The following CLSTN1 variants were observed in gnomAD, a reference collection of about 807,000 sequenced individuals.
CLSTN1 encodes the protein calsyntenin-1.
Under a neutral mutation model 108.3 loss-of-function variants are expected in CLSTN1, and 28 were observed. That is an observed-to-expected ratio of 0.26 (90% CI 0.19 to 0.35). CLSTN1 has a LOEUF of 0.35. Ranked by LOEUF, CLSTN1 falls within the 10% of genes least tolerant of loss-of-function variation. The pLI is 1.00. For synonymous variants in CLSTN1, 524 were observed against 534.9 expected (o/e 0.98, Z 0.28); for missense variants, 1,157 against 1,302.6 (o/e 0.89, Z 1.72).
chr1:9,733,276 G>C lies in CLSTN1; in HGVS notation c.2427+125C>G, dbSNP rs546749747. 86 of 1,205,286 alleles carry C rather than the reference G, an allele frequency of 7.1e-5. No individual in the cohort carries two copies. In the East Asian group the frequency reaches 2.0e-3, roughly 28 times the overall value. The allele number at this position is 1,205,286 out of a possible 1,614,324, so 74.7% of individuals were successfully genotyped here. ...CCCAGGCTGGAAAGGCGACCCCCTA[G>C]AATGAGCCTGTATAGCTGCCATCAT... On this transcript the variant is annotated intron_variant, in intron 16 of 18. Coordinates refer to ENST00000377298, the MANE Select transcript of CLSTN1 (RefSeq NM_001009566.3).
At chr1:9,756,668 AC>A (rs1220957450) in intron 2 of CLSTN1, among the ~76,000 whole-genome samples, 158 bp from the exon 3 acceptor site, 2 of 152,236 alleles carry the variant, frequency 1.3e-5, no homozygotes, top group Non-Finnish European at 2.9e-5. Flanking sequence ...ATCTTCAGGA[AC>A]AAAATGTCAC....
At chr1:9,807,616 G>A (rs1385277000) in intron 1 of CLSTN1, among the ~76,000 whole-genome samples, 2 of 152,222 alleles carry the variant, frequency 1.3e-5, no homozygotes, top group Non-Finnish European at 2.9e-5. Flanking sequence ...TCCACACAGC[G>A]TACAGCAGTC....
chr1:9,792,170 C>T (rs1387902699), intron 1 of CLSTN1, among the ~76,000 whole-genome samples: 1 of 150,704 alleles, frequency 6.6e-6, no homozygotes, highest in Non-Finnish European at 1.5e-5. Flanking sequence ...TAGGCGACAG[C>T]GAGACTCCAC....
intron 1 of CLSTN1, among the ~76,000 whole-genome samples, chr1:9,822,291 T>G (rs192907245): frequency 1.3e-5 from 2 of 152,230 alleles, no homozygotes; most frequent in Admixed American, 6.5e-5. Flanking sequence ...GATCTGAATT[T>G]GACAGAGTCA....
chr1:9,743,610 C>T (rs1425214984), intron 9 of CLSTN1, among the ~76,000 whole-genome samples: 1 of 152,092 alleles, frequency 6.6e-6, no homozygotes, highest in African/African-American at 2.4e-5. Context: ...TGAAGTGGCA[C>T]AATCGCAGCT....
Position 9,729,134 on chromosome 1 carries a change from G to A in CLSTN1, c.*1374C>T, listed in dbSNP as rs1650170131. On this transcript the variant is annotated 3_prime_UTR_variant, in exon 19 of 19. Transcript: ENST00000377298. ...GCGACAGCGTGAGGACATCCCCTGG[G>A]CGTGAGCGTCTGTCCGCTGTCTAAA... The A allele has an allele frequency of 6.6e-6, 1 of 152,202 alleles. No homozygotes were observed. Among genetic ancestry groups the A allele is most frequent in the Non-Finnish European group, 1.5e-5 (1 of 68,046 alleles). 9.4% of individuals were successfully genotyped at this position (152,202 alleles called of 1,614,324 possible). A position where few individuals can be genotyped will look rare whatever the true frequency, so the allele number is the denominator to read the frequency against.
At chr1:9,786,388 T>C (rs1653488204) in intron 1 of CLSTN1, among the ~76,000 whole-genome samples, 1 of 152,098 alleles carries the variant, frequency 6.6e-6, no homozygotes, top group Admixed American at 6.6e-5. Flanking sequence ...ATGCCTGTAA[T>C]CCCAGCACTT....
intron 1 of CLSTN1, among the ~76,000 whole-genome samples, chr1:9,788,404 C>G (rs975571393): frequency 4.0e-5 from 6 of 150,914 alleles, no homozygotes; most frequent in Non-Finnish European, 7.4e-5. Context: ...AACCCCATCT[C>G]TACTAAAAAT....
intron 2 of CLSTN1, among the ~76,000 whole-genome samples, chr1:9,760,477 G>A (rs1282013495): frequency 2.0e-5 from 3 of 152,064 alleles, no homozygotes; most frequent in African/African-American, 7.3e-5. Context: ...CTTTTAATAA[G>A]GAAGACGGAT....
At chr1:9,798,175 G>A (rs1306659597) in intron 1 of CLSTN1, among the ~76,000 whole-genome samples, 7 of 132,616 alleles carry the variant, frequency 5.3e-5, no homozygotes, top group Non-Finnish European at 1.1e-4. Context: ...GAAGAGGGAG[G>A]GGGAGGGGAG....
intron 6 of CLSTN1, 28 bp from the exon 7 acceptor site, chr1:9,749,674 A>G (rs1175746669): frequency 6.2e-7 from 1 of 1,611,760 alleles, no homozygotes; most frequent in Non-Finnish European, 8.5e-7. Context: ...TCAGCAGGGG[A>G]AGAGAGAAGG....
At chr1:9,816,176 A>G (rs1369491342) in intron 1 of CLSTN1, among the ~76,000 whole-genome samples, 1 of 152,238 alleles carries the variant, frequency 6.6e-6, no homozygotes, top group African/African-American at 2.4e-5. Context: ...TTATTTACCT[A>G]TGAAAAGAAA....
intron 2 of CLSTN1, among the ~76,000 whole-genome samples, chr1:9,758,561 G>A (rs1049192444): frequency 6.6e-6 from 1 of 152,014 alleles, no homozygotes; most frequent in Admixed American, 6.6e-5. Context: ...TGATCCGCCC[G>A]CCTCCGCCTC....
At chr1:9,737,364 C>T (rs565377472) in intron 11 of CLSTN1, 134 bp downstream of exon 11, 4 of 779,616 alleles carry the variant, frequency 5.1e-6, no homozygotes, top group East Asian at 2.5e-5. Flanking sequence ...AATGGGGAAG[C>T]GCAATGCAGG....
At chr1:9,796,621 T>C (rs1258171933) in intron 1 of CLSTN1, among the ~76,000 whole-genome samples, 2 of 151,316 alleles carry the variant, frequency 1.3e-5, no homozygotes, top group South Asian at 2.1e-4. Flanking sequence ...GAGGCGGAGC[T>C]TGCAGTGAGC....
intron 1 of CLSTN1, among the ~76,000 whole-genome samples, chr1:9,775,393 T>C (rs903523313): frequency 2.0e-5 from 3 of 151,860 alleles, no homozygotes; most frequent in Admixed American, 2.0e-4. Context: ...CCCTTCTTGA[T>C]TGGGACTCTA....
At chr1:9,731,637 G>A in intron 17 of CLSTN1, 124 bp downstream of exon 17, 1 of 1,032,266 alleles carries the variant, frequency 9.7e-7, no homozygotes. Context: ...TGTGTGTGAT[G>A]GGGAATAATT....
At chr1:9,752,315 T>TA (rs920515474) in intron 4 of CLSTN1, among the ~76,000 whole-genome samples, 6 of 151,894 alleles carry the variant, frequency 4.0e-5, no homozygotes, top group East Asian at 3.9e-4. Context: ...TGGCTACAAA[T>TA]AAAAAAAACT....
intron 1 of CLSTN1, among the ~76,000 whole-genome samples, chr1:9,778,663 T>C (rs1653075382): frequency 6.6e-6 from 1 of 151,996 alleles, no homozygotes; most frequent in Non-Finnish European, 1.5e-5. Context: ...AAAAGTGTCT[T>C]TGAAATCCGT....
Sources: allele counts gnomAD v4.1 joint callset (sites outside exome capture counted in the v4.1 genomes callset), GRCh38; gene constraint gnomAD v4.1.1; transcripts MANE v1.5; gene names NCBI Gene and HGNC (gene_info 2026-07-23, HGNC 2026-07-21).